Variants in FSTL4 observed in about 807,000 individuals in gnomAD.
FSTL4 encodes follistatin like 4, also known as follistatin-related protein 4.
FSTL4 carries 28 observed loss-of-function variants against 78.2 expected under a neutral mutation model. That is an observed-to-expected ratio of 0.36 (90% CI 0.27 to 0.49). The LOEUF (loss-of-function observed/expected upper bound fraction) is 0.49, where lower values mean the gene tolerates loss of function less well. FSTL4 is among the 20% of genes least tolerant of loss of function. The pLI is 0.98. For missense variants in FSTL4, 922 were observed against 1,084.9 expected (o/e 0.85, Z 2.11); for synonymous variants, 422 against 440.5 (o/e 0.96, Z 0.53).
the FSTL4 span, among the ~76,000 whole-genome samples, chr5:133,805,003 G>A: frequency 2.0e-5 from 3 of 149,596 alleles, no homozygotes; most frequent in Admixed American, 6.7e-5. Flanking sequence ...AGCCCCTCAG[G>A]CAACCTTCTC....
intron 2 of FSTL4, among the ~76,000 whole-genome samples, chr5:133,577,194 G>A (rs1225333030): frequency 3.3e-5 from 5 of 152,138 alleles, no homozygotes; most frequent in Non-Finnish European, 7.4e-5. Flanking sequence ...CTAAACCCGG[G>A]GCTAGTTTGA....
At chr5:133,247,291 T>C (rs543781593) in intron 7 of FSTL4, 2 of 152,282 alleles carry the variant, frequency 1.3e-5, no homozygotes, top group East Asian at 3.9e-4. Context: ...GCTAACCTTA[T>C]TGTGAAAAGT....
At chr5:133,679,038 A>T in the FSTL4 span, among the ~76,000 whole-genome samples, 1 of 152,198 alleles carries the variant, frequency 6.6e-6, no homozygotes, top group Non-Finnish European at 1.5e-5. Context: ...ATATCACTGG[A>T]TCATGAGCAG....
chr5:133,758,323 A>T, the FSTL4 span, among the ~76,000 whole-genome samples: 1 of 152,258 alleles, frequency 6.6e-6, no homozygotes, highest in Non-Finnish European at 1.5e-5. Context: ...ATAAAAATCA[A>T]TTAGAAAATA....
At chr5:133,545,450 C>T (rs141349680) in intron 3 of FSTL4, among the ~76,000 whole-genome samples, 1 of 152,320 alleles carries the variant, frequency 6.6e-6, no homozygotes, top group Non-Finnish European at 1.5e-5. Context: ...ACCCACTTCC[C>T]TACTATATTA....
chr5:133,442,644 G>A (rs143715071), intron 3 of FSTL4, among the ~76,000 whole-genome samples: 2 of 152,300 alleles, frequency 1.3e-5, no homozygotes, highest in East Asian at 3.9e-4. Flanking sequence ...ATAATCTTGA[G>A]CCCTGGTAGA....
intron 7 of FSTL4, among the ~76,000 whole-genome samples, chr5:133,245,645 G>A (rs1338520260): frequency 6.6e-6 from 1 of 152,116 alleles, no homozygotes; most frequent in African/African-American, 2.4e-5. Context: ...CTCTACTCTG[G>A]TACGGAGCTT....
chr5:133,281,450 A>G (rs1237181555), intron 6 of FSTL4, among the ~76,000 whole-genome samples: 1 of 152,150 alleles, frequency 6.6e-6, no homozygotes, highest in Non-Finnish European at 1.5e-5. Context: ...AACCCTCAGA[A>G]CAATGTTTCT....
At chr5:133,806,443 G>A in the FSTL4 span, among the ~76,000 whole-genome samples, 1 of 152,164 alleles carries the variant, frequency 6.6e-6, no homozygotes, top group East Asian at 1.9e-4. Flanking sequence ...TTTTTAAATA[G>A]CATGAGCAGA....
chr5:133,702,215 C>G, the FSTL4 span, among the ~76,000 whole-genome samples: 1 of 152,208 alleles, frequency 6.6e-6, no homozygotes, highest in East Asian at 1.9e-4. Flanking sequence ...ATCACACATT[C>G]GGCATCAAAC....
chr5:133,262,721 T>C (rs988140625), intron 6 of FSTL4, among the ~76,000 whole-genome samples: 11 of 152,214 alleles, frequency 7.2e-5, no homozygotes, highest in Non-Finnish European at 1.2e-4. Context: ...TGTGATTTTT[T>C]TTAAGTTAAC....
chr5:133,419,140 T>C (rs879336898), intron 3 of FSTL4, among the ~76,000 whole-genome samples: 2 of 152,242 alleles, frequency 1.3e-5, no homozygotes, highest in Non-Finnish European at 2.9e-5. Flanking sequence ...TTTATTTTTA[T>C]TTTTTGAGAT....
At chr5:133,543,784 A>G (rs951293699) in intron 3 of FSTL4, among the ~76,000 whole-genome samples, 4 of 152,020 alleles carry the variant, frequency 2.6e-5, no homozygotes, top group Admixed American at 2.0e-4. Flanking sequence ...GTAATTACTA[A>G]TATACTTGAA....
chr5:133,620,714 T>G, the FSTL4 span, among the ~76,000 whole-genome samples: 1 of 152,222 alleles, frequency 6.6e-6, no homozygotes, highest in Non-Finnish European at 1.5e-5. Flanking sequence ...TGTCCTCATC[T>G]GCCTTCCTCC....
At chr5:133,374,486 C>T (rs1337212468) in intron 4 of FSTL4, among the ~76,000 whole-genome samples, 1 of 151,962 alleles carries the variant, frequency 6.6e-6, no homozygotes, top group Non-Finnish European at 1.5e-5. Flanking sequence ...GACAGTACTA[C>T]CATCTTGGTT....
chr5:133,673,335 C>A, the FSTL4 span, among the ~76,000 whole-genome samples: 1 of 152,202 alleles, frequency 6.6e-6, no homozygotes, highest in Non-Finnish European at 1.5e-5. Flanking sequence ...GGAAGCTCAG[C>A]AGTCACCAGG....
At chr5:133,388,719 A>AT (rs1402526597) in intron 4 of FSTL4, among the ~76,000 whole-genome samples, 15 of 150,986 alleles carry the variant, frequency 9.9e-5, no homozygotes, top group East Asian at 1.9e-4. Flanking sequence ...TAGGGCACTT[A>AT]TTTTTTTGGA....
At chr5:133,657,757 C>CTT in the FSTL4 span, among the ~76,000 whole-genome samples, 1 of 136,502 alleles carries the variant, frequency 7.3e-6, no homozygotes, top group African/African-American at 2.8e-5. Context: ...ATCTAGCTTA[C>CTT]TGTTTTTTGT....
chr5:133,688,420 A>AG, the FSTL4 span, among the ~76,000 whole-genome samples: 1 of 152,212 alleles, frequency 6.6e-6, no homozygotes, highest in Non-Finnish European at 1.5e-5. Flanking sequence ...CTCAAAAAAA[A>AG]CAAAAGCAAG....
Sources: allele counts gnomAD v4.1 joint callset (sites outside exome capture counted in the v4.1 genomes callset), GRCh38; gene constraint gnomAD v4.1.1; transcripts MANE v1.5; gene names NCBI Gene and HGNC (gene_info 2026-07-23, HGNC 2026-07-21).